The following PKHD1 variants were observed in gnomAD, a reference collection of about 807,000 sequenced individuals.
PKHD1 encodes fibrocystin.
In PKHD1, 291 loss-of-function variants were observed where a neutral mutation model predicts 412.0. That is an observed-to-expected ratio of 0.71 (90% CI 0.64 to 0.78). The LOEUF is 0.78. Among genes scored for constraint, PKHD1 ranks in the 30% least tolerant of loss-of-function variants. The pLI, the probability that PKHD1 is intolerant of heterozygous loss-of-function variation, is 0.00. For missense variants in PKHD1, 4,825 were observed against 4,950.7 expected (o/e 0.97, Z 0.76); for synonymous variants, 1,777 against 1,821.5 (o/e 0.98, Z 0.62).
chr6:51,616,944 A>G lies in PKHD1; in HGVS notation c.*2137T>C, dbSNP rs931506950. On this transcript the variant is annotated 3_prime_UTR_variant, in exon 67 of 67. Transcript: ENST00000371117. ...TGGTCTGAGTGCAGTGATGTCATTC[A>G]TTGAGTTGGAAAAAAACACAAGGAG... is the stretch of plus-strand genomic sequence containing the variant. The G allele has an allele frequency of 5.6e-6, 2 of 360,116 alleles. No individual in the cohort carries two copies. The highest frequency in any genetic ancestry group is 4.2e-5 in the African/African-American group (2 of 47,768). The allele number at this position is 360,116 out of a possible 1,614,324, so 22.3% of individuals were successfully genotyped here. A position where few individuals can be genotyped will look rare whatever the true frequency, so the allele number is the denominator to read the frequency against.
At chr6:51,855,843 T>C (rs1040846692) in intron 49 of PKHD1, 50 bp downstream of exon 49, 3 of 1,376,404 alleles carry the variant, frequency 2.2e-6, no homozygotes, top group Non-Finnish European at 3.1e-6. Flanking sequence ...CAAAGAAAGA[T>C]AAGAACAAAT....
chr6:51,892,910 T>G (rs1779330836), intron 43 of PKHD1, among the ~76,000 whole-genome samples: 1 of 152,220 alleles, frequency 6.6e-6, no homozygotes, highest in Admixed American at 6.5e-5. Context: ...GTGTATCTCT[T>G]CAGCCCTTGT....
rs966662504 is a variant in PKHD1, at chr6:51,754,633, G to A, written c.8797+151C>T. ...AAGCAACAAAATTAATGAGGGAATAGAGATAAGGCCACGTAGCATGAGTCT... is the reference window on the plus strand; with the variant it reads ...AAGCAACAAAATTAATGAGGGAATAAAGATAAGGCCACGTAGCATGAGTCT... On this transcript the variant is annotated intron_variant, in intron 56 of 66. Coordinates refer to ENST00000371117, the MANE Select transcript of PKHD1 (RefSeq NM_138694.4). 1.3e-5 allele frequency: 9 copies of A among 677,576 alleles called. No individual in the cohort carries two copies. In the African/African-American group the frequency reaches 1.4e-4, roughly 11 times the overall value. The allele number at this position is 677,576 out of a possible 1,614,324, so 42.0% of individuals were successfully genotyped here.
At chr6:51,799,189 A>G (rs1326566) in intron 52 of PKHD1, among the ~76,000 whole-genome samples, 89,785 of 152,020 alleles carry the variant, frequency 0.59, 27,189 homozygotes, top group East Asian at 0.83. Context: ...ACACGTGTGT[A>G]CACACACATA....
At chr6:51,828,408 T>C (rs1707152273) in intron 52 of PKHD1, among the ~76,000 whole-genome samples, 1 of 152,120 alleles carries the variant, frequency 6.6e-6, no homozygotes, top group African/African-American at 2.4e-5. Context: ...AAATACTTAG[T>C]ATGGTGCATG....
intron 34 of PKHD1, among the ~76,000 whole-genome samples, chr6:52,013,783 G>A (rs1316495718): frequency 6.6e-6 from 1 of 152,134 alleles, no homozygotes; most frequent in African/African-American, 2.4e-5. Flanking sequence ...TTGTTCTTTA[G>A]TTGATCTGAT....
At position 51,903,675 on chromosome 6, in the gene PKHD1, A is replaced by T. The variant is rs1781618062; in HGVS notation, c.6918T>A (p.Ser2306=). 6.2e-7 allele frequency: 1 copy of T among 1,611,322 alleles called. No homozygotes were observed. The highest frequency in any genetic ancestry group is 8.5e-7 in the Non-Finnish European group (1 of 1,177,846). The part of the protein sequence containing the change: ...IIRNNVIIQV[S]GAEGLSNPEM... ...CAGGATTGGAGAGTCCCTCGGCACCAGAAACCTGGATGATCACGTTGTTTC... is the reference window on the plus strand; with the variant it reads ...CAGGATTGGAGAGTCCCTCGGCACCTGAAACCTGGATGATCACGTTGTTTC... Residue 2306 remains serine (S), a synonymous_variant, in exon 43 of 67, where the codon TCT becomes TCA. Coordinates refer to ENST00000371117, the MANE Select transcript of PKHD1 (RefSeq NM_138694.4).
intron 60 of PKHD1, among the ~76,000 whole-genome samples, chr6:51,732,830 G>T (rs558937476): frequency 2.0e-4 from 30 of 152,184 alleles, no homozygotes; most frequent in Non-Finnish European, 3.5e-4. Context: ...AGAGATATTT[G>T]TATACCATAT....
chr6:52,058,731 C>A lies in PKHD1; in HGVS notation c.1234-130G>T, dbSNP rs147430506. The A allele has an allele frequency of 1.4e-4, 112 of 824,774 alleles. No individual in the cohort carries two copies. In the East Asian group the frequency reaches 2.3e-3, roughly 17 times the overall value. 51.1% of individuals were successfully genotyped at this position (824,774 alleles called of 1,614,324 possible). The stretch of plus-strand genomic sequence containing the variant: ...GGTCTGCCTTTTTAACATATTAACC[C>A]AGTTACCTCAGCCCTGTGGTTATTT... On this transcript the variant is annotated intron_variant, in intron 15 of 66. Coordinates refer to ENST00000371117, the MANE Select transcript of PKHD1 (RefSeq NM_138694.4).
chr6:51,852,128 G>C (rs1312969008), intron 49 of PKHD1, among the ~76,000 whole-genome samples: 1 of 151,912 alleles, frequency 6.6e-6, no homozygotes, highest in Non-Finnish European at 1.5e-5. Context: ...TGGTTTCAAA[G>C]AACTTCTTTC....
chr6:51,754,842 C>T lies in PKHD1; in HGVS notation c.8739G>A (p.Val2913=). 1 of 1,613,564 alleles carries T rather than the reference C, an allele frequency of 6.2e-7. No homozygotes were observed. The highest frequency in any genetic ancestry group is 8.5e-7 in the Non-Finnish European group (1 of 1,179,568). The change falls in exon 56 of 67, where the codon GTG becomes GTA. Residue 2913 remains valine (V), a synonymous_variant. Transcript: ENST00000371117. ...TCACATGGTGGCCCTTGACTTCTTT[C>T]ACAGTGAGGACCTCTGCTTCATGAG... ...YEPHEAEVLT[V]KEVKGHHVRI... is the part of the protein sequence containing the mutation.
intron 49 of PKHD1, among the ~76,000 whole-genome samples, chr6:51,854,261 G>A (rs966865451): frequency 1.3e-5 from 2 of 152,050 alleles, no homozygotes; most frequent in African/African-American, 2.4e-5. Context: ...GCCTGGAGAT[G>A]TCACTCAAGG....
At chr6:52,045,500 C>T (rs986073987) in intron 24 of PKHD1, among the ~76,000 whole-genome samples, 3 of 152,160 alleles carry the variant, frequency 2.0e-5, no homozygotes, top group Admixed American at 6.5e-5. Context: ...ACCAGATAAC[C>T]CACAACACCA....
chr6:51,863,736 T>C (rs934507777), intron 48 of PKHD1, among the ~76,000 whole-genome samples: 5 of 152,080 alleles, frequency 3.3e-5, no homozygotes, highest in Admixed American at 1.3e-4. Context: ...GAGATAGCAT[T>C]TTACTCCTGG....
At position 51,753,160 on chromosome 6, in the gene PKHD1, G is replaced by C. The variant is rs535996280; in HGVS notation, c.8950+41C>G. The C allele has an allele frequency of 7.6e-6, 12 of 1,576,314 alleles. No individual in the cohort carries two copies. In the South Asian group the frequency reaches 1.1e-4, roughly 15 times the overall value. On this transcript the variant is annotated intron_variant, in intron 57 of 66. Coordinates refer to ENST00000371117, the MANE Select transcript of PKHD1 (RefSeq NM_138694.4). ...ATTTCTGGGTGTCCCAGATGAATAG[G>C]CTCCAACTGGTAATGGCCAATTACT...
rs531598015 is a variant in PKHD1, at chr6:51,994,079, T to C, written c.5751+16230A>G. Among the ~76,000 whole-genome samples the C allele has an allele frequency of 5.9e-5, 9 of 152,248 alleles. No homozygotes were observed. In the South Asian group the frequency reaches 1.2e-3, roughly 21 times the overall value. Reference sequence around the variant, plus strand: ...CTTTTAATGTCTGACTGGACATCGATAGAATCGAGTCTGCAGCATTCACCA... The same window carrying C: ...CTTTTAATGTCTGACTGGACATCGACAGAATCGAGTCTGCAGCATTCACCA... On this transcript the variant is annotated intron_variant, in intron 35 of 66. Coordinates refer to ENST00000371117, the MANE Select transcript of PKHD1 (RefSeq NM_138694.4).
chr6:51,636,489 A>G (rs1561997707), intron 64 of PKHD1, among the ~76,000 whole-genome samples: 1 of 152,026 alleles, frequency 6.6e-6, no homozygotes, highest in African/African-American at 2.4e-5. Context: ...TGAGACTGCA[A>G]TGAGCCATGA....
chr6:51,924,210 G>GA (rs1426898565), intron 37 of PKHD1, among the ~76,000 whole-genome samples: 1 of 152,096 alleles, frequency 6.6e-6, no homozygotes, highest in Non-Finnish European at 1.5e-5. Flanking sequence ...CTCTTTGAAG[G>GA]AAAAATCACA....
intron 52 of PKHD1, among the ~76,000 whole-genome samples, chr6:51,809,787 G>T (rs1001241469): frequency 2.0e-5 from 3 of 151,436 alleles, no homozygotes; most frequent in Admixed American, 1.3e-4. Context: ...ATTAGTGATT[G>T]CTATTATACA....
Sources: allele counts gnomAD v4.1 joint callset (sites outside exome capture counted in the v4.1 genomes callset), GRCh38; gene constraint gnomAD v4.1.1; transcripts MANE v1.5; gene names NCBI Gene and HGNC (gene_info 2026-07-23, HGNC 2026-07-21).